Variants in MACROD2 observed in about 807,000 individuals in gnomAD.
MACROD2 encodes ADP-ribose glycohydrolase MACROD2.
Under a neutral mutation model 70.4 loss-of-function variants are expected in MACROD2, and 36 were observed. That is an observed-to-expected ratio of 0.51 (90% confidence interval 0.39 to 0.68). MACROD2 has a LOEUF of 0.68. Ranked by LOEUF, MACROD2 falls within the 30% of genes least tolerant of loss-of-function variation. The pLI is 0.00. For missense variants in MACROD2, 496 were observed against 538.4 expected (o/e 0.92, Z 0.78); for synonymous variants, 172 against 178.8 (o/e 0.96, Z 0.30).
chr20:15,396,510 A>T (rs1487276532), intron 6 of MACROD2, among the ~76,000 whole-genome samples: 1 of 152,220 alleles, frequency 6.6e-6, no homozygotes, highest in Admixed American at 6.5e-5. Flanking sequence ...ATAGAATCTT[A>T]GAAGAGGAAG....
At chr20:15,003,443 T>A (rs940957602) in intron 5 of MACROD2, among the ~76,000 whole-genome samples, 3 of 152,144 alleles carry the variant, frequency 2.0e-5, no homozygotes, top group Non-Finnish European at 4.4e-5. Context: ...AAAAGAAACA[T>A]ATCATTAGAT....
At chr20:14,754,020 T>A (rs1816089230) in intron 5 of MACROD2, among the ~76,000 whole-genome samples, 1 of 152,020 alleles carries the variant, frequency 6.6e-6, no homozygotes, top group South Asian at 2.1e-4. Context: ...AAAATGGGAA[T>A]GGAGAGGCAG....
At chr20:14,049,404 T>G in intron 2 of MACROD2, among the ~76,000 whole-genome samples, 1 of 150,280 alleles carries the variant, frequency 6.7e-6, no homozygotes. Flanking sequence ...AGAACTGGAG[T>G]GGAGGGGAGG....
At chr20:14,155,358 C>G (rs1380182018) in intron 3 of MACROD2, among the ~76,000 whole-genome samples, 1 of 152,024 alleles carries the variant, frequency 6.6e-6, no homozygotes, top group Non-Finnish European at 1.5e-5. Context: ...TTTTATAAGT[C>G]GTATCTTTTC....
At chr20:14,751,208 C>A (rs1351556722) in intron 5 of MACROD2, among the ~76,000 whole-genome samples, 3 of 152,138 alleles carry the variant, frequency 2.0e-5, no homozygotes, top group African/African-American at 7.2e-5. Flanking sequence ...CCCAGCCCCA[C>A]CCTTGGCCTG....
At chr20:15,329,029 A>T (rs1014695275) in intron 6 of MACROD2, among the ~76,000 whole-genome samples, 15 of 152,148 alleles carry the variant, frequency 9.9e-5, no homozygotes, top group African/African-American at 3.4e-4. Flanking sequence ...AATGTTAATT[A>T]TTGGAAAATT....
At chr20:15,791,794 G>A (rs1367221749) in intron 8 of MACROD2, among the ~76,000 whole-genome samples, 2 of 151,944 alleles carry the variant, frequency 1.3e-5, no homozygotes, top group African/African-American at 4.8e-5. Flanking sequence ...AGTAAAATTA[G>A]AGATACAGGT....
chr20:14,468,000 T>C, intron 3 of MACROD2, among the ~76,000 whole-genome samples: 1 of 152,086 alleles, frequency 6.6e-6, no homozygotes, highest in Admixed American at 6.6e-5. Context: ...TCTGTTCTTT[T>C]GCATTTACTG....
At chr20:15,935,913 G>C (rs1291269018) in intron 11 of MACROD2, among the ~76,000 whole-genome samples, 1 of 152,186 alleles carries the variant, frequency 6.6e-6, no homozygotes, top group Non-Finnish European at 1.5e-5. Context: ...CTGGGTTTGG[G>C]ACGGACTCTC....
intron 8 of MACROD2, among the ~76,000 whole-genome samples, chr20:15,522,075 C>T (rs191614002): frequency 3.9e-5 from 6 of 152,288 alleles, no homozygotes; most frequent in Admixed American, 3.9e-4. Context: ...GTATAATTCA[C>T]AAGGCTGGTG....
intron 8 of MACROD2, among the ~76,000 whole-genome samples, chr20:15,550,086 A>G (rs1384839518): frequency 2.6e-5 from 4 of 151,942 alleles, no homozygotes; most frequent in Non-Finnish European, 4.4e-5. Flanking sequence ...GTTTTTGTTA[A>G]TAGAGTATCT....
chr20:15,412,921 G>A lies in MACROD2; in HGVS notation c.541-18484G>A, dbSNP rs902742921. Among the ~76,000 whole-genome samples, 7 of 152,230 alleles carry A rather than the reference G, an allele frequency of 4.6e-5. 1 individual carries two copies. Among genetic ancestry groups the A allele is most frequent in the South Asian group, 4.2e-4 (2 of 4,818 alleles). ...TACTTAAAAATCTCTCTAATAAAAT[G>A]TGCCCAAAGATGGTCATATCTGCAT... On this transcript the variant is annotated intron_variant, in intron 6 of 17. Coordinates refer to ENST00000684519, the MANE Select transcript of MACROD2 (RefSeq NM_001351661.2).
At chr20:14,016,401 G>T (rs755650969) in intron 2 of MACROD2, among the ~76,000 whole-genome samples, 23 of 152,096 alleles carry the variant, frequency 1.5e-4, no homozygotes, top group Non-Finnish European at 1.9e-4. Flanking sequence ...TGATTGAAAA[G>T]TTTTTAATTT....
At chr20:15,262,277 C>A (rs904475846) in intron 6 of MACROD2, among the ~76,000 whole-genome samples, 3 of 152,018 alleles carry the variant, frequency 2.0e-5, no homozygotes, top group African/African-American at 7.2e-5. Context: ...TTAGCTCCCA[C>A]AAATAAGTGA....
chr20:16,006,686 T>C (rs887446501), intron 15 of MACROD2, among the ~76,000 whole-genome samples: 1 of 152,156 alleles, frequency 6.6e-6, no homozygotes, highest in Non-Finnish European at 1.5e-5. Context: ...CTCCCTCGAA[T>C]TGGGTGATGT....
intron 10 of MACROD2, among the ~76,000 whole-genome samples, chr20:15,914,940 CAAAGGA>C (rs752013128): frequency 0.85 from 129,048 of 152,032 alleles, 55,945 homozygotes; most frequent in Non-Finnish European, 0.95. Flanking sequence ...CAGTTAATTA[CAAAGGA>C]TGTTGGAAAG....
At chr20:15,744,173 T>C (rs888293372) in intron 8 of MACROD2, among the ~76,000 whole-genome samples, 6 of 152,230 alleles carry the variant, frequency 3.9e-5, no homozygotes, top group African/African-American at 1.4e-4. Flanking sequence ...AATCAGGCTA[T>C]TTTAATTGAT....
intron 5 of MACROD2, among the ~76,000 whole-genome samples, chr20:15,115,873 A>C (rs545797868): frequency 6.6e-6 from 1 of 152,334 alleles, no homozygotes; most frequent in African/African-American, 2.4e-5. Context: ...AGGAAAAGAA[A>C]GATCAGTTGG....
intron 4 of MACROD2, among the ~76,000 whole-genome samples, chr20:14,516,927 A>G (rs2085107363): frequency 1.3e-5 from 2 of 152,244 alleles, no homozygotes; most frequent in African/African-American, 2.4e-5. Flanking sequence ...GCCAACAAAC[A>G]TATGAGAAAA....
Sources: allele counts gnomAD v4.1 joint callset (sites outside exome capture counted in the v4.1 genomes callset), GRCh38; gene constraint gnomAD v4.1.1; transcripts MANE v1.5; gene names NCBI Gene and HGNC (gene_info 2026-07-23, HGNC 2026-07-21).